The following REV1 variants were observed in gnomAD, a reference collection of about 807,000 sequenced individuals.
REV1 encodes the protein REV1 DNA directed polymerase, also known as translesion synthesis protein REV1.
In REV1, 42 loss-of-function variants were observed where a neutral mutation model predicts 137.4. That is an observed-to-expected ratio of 0.31 (90% CI 0.24 to 0.40). REV1 has a LOEUF of 0.40. Among genes scored for constraint, REV1 ranks in the 10% least tolerant of loss-of-function variants. The probability of loss-of-function intolerance (pLI) is 1.00; values close to 1 mark genes in which losing one functional copy is unlikely to be tolerated. For synonymous variants in REV1, 524 were observed against 519.2 expected (o/e 1.01, Z -0.12); for missense variants, 1,282 against 1,490.1 (o/e 0.86, Z 2.30).
intron 3 of REV1, chr2:99,451,543 G>T: frequency 8.1e-7 from 1 of 1,234,740 alleles, no homozygotes; most frequent in Non-Finnish European, 1.1e-6. Context: ...GAATAAGACC[G>T]ATCTGAGTTT....
intron 4 of REV1, 121 bp from the exon 5 acceptor site, chr2:99,442,590 G>GTTTA (rs1159512440): frequency 1.1e-6 from 1 of 913,308 alleles, no homozygotes; most frequent in Non-Finnish European, 1.7e-6. Context: ...TGTTTTCCTA[G>GTTTA]TTTATTCCTT....
At chr2:99,406,517 T>G (rs201134780) in intron 15 of REV1, 27 bp from the exon 16 acceptor site, 2 of 1,526,254 alleles carry the variant, frequency 1.3e-6, no homozygotes, top group Admixed American at 4.3e-5. Flanking sequence ...AGAGTATGCT[T>G]CTAGGAAAAC....
chr2:99,472,779 T>C (rs1259765108), intron 1 of REV1, among the ~76,000 whole-genome samples: 1 of 152,202 alleles, frequency 6.6e-6, no homozygotes. Context: ...ACTAAGTACA[T>C]AAAGTGCTAG....
At chr2:99,426,331 G>T (rs1679362009) in intron 9 of REV1, among the ~76,000 whole-genome samples, 1 of 147,924 alleles carries the variant, frequency 6.8e-6, no homozygotes, top group Non-Finnish European at 1.5e-5. Context: ...TGGGCAACAA[G>T]AGCGAAATTC....
chr2:99,416,826 T>C (rs1349055763), intron 12 of REV1, among the ~76,000 whole-genome samples: 1 of 139,526 alleles, frequency 7.2e-6, no homozygotes, highest in Non-Finnish European at 1.5e-5. Context: ...GGCAGGAGAA[T>C]GGCGTGAACC....
chr2:99,436,723 A>C (rs1308283988), intron 6 of REV1: 1 of 152,208 alleles, frequency 6.6e-6, no homozygotes, highest in African/African-American at 2.4e-5. Flanking sequence ...TCCAGGCACA[A>C]GCAGAGCTTT....
chr2:99,485,488 G>GA (rs1412952606), intron 1 of REV1, among the ~76,000 whole-genome samples: 2 of 152,092 alleles, frequency 1.3e-5, no homozygotes, highest in African/African-American at 2.4e-5. Context: ...AATACTACAA[G>GA]ACTCATATTT....
rs1681166445 is a variant in REV1 at position 99,439,267 on chromosome 2, C to T, written c.547G>A (p.Val183Ile). 1 of 1,613,740 alleles carries T rather than the reference C, an allele frequency of 6.2e-7. No individual in the cohort carries two copies. The highest frequency in any genetic ancestry group is 8.5e-7 in the Non-Finnish European group (1 of 1,179,744). Residue 183 changes from valine (V) to isoleucine (I), a missense_variant, in exon 6 of 23, where the codon GTC becomes ATC. Coordinates refer to ENST00000258428, the MANE Select transcript of REV1 (RefSeq NM_016316.4). ...KKIETENEVK[V>I]NGMNSWNEED... is the part of the protein sequence containing the mutation. ...TCATTCCAACTGTTCATGCCATTGA[C>T]TTTGACTTCATTTTCCGTTTCAATC...
intron 14 of REV1, 116 bp from the exon 15 acceptor site, chr2:99,408,247 G>T (rs1333076950): frequency 2.0e-6 from 1 of 504,982 alleles, no homozygotes; most frequent in Non-Finnish European, 3.4e-6. Context: ...TTACAAAGAA[G>T]ATTATAAAAG....
chr2:99,439,754 C>A (rs1463348321), intron 5 of REV1, among the ~76,000 whole-genome samples: 1 of 152,212 alleles, frequency 6.6e-6, no homozygotes, highest in Non-Finnish European at 1.5e-5. Flanking sequence ...GCATTTACTA[C>A]ATGGTCAATA....
chr2:99,456,464 A>G (rs1218244091), intron 3 of REV1, among the ~76,000 whole-genome samples: 3 of 152,198 alleles, frequency 2.0e-5, no homozygotes, highest in Admixed American at 2.0e-4. Context: ...AGATAGGTGA[A>G]GTCAGGGAAG....
chr2:99,462,378 T>A lies in REV1; in HGVS notation c.181+118A>T. 4.2e-6 allele frequency: 4 copies of A among 958,834 alleles called. No individual in the cohort carries two copies. In the South Asian group the frequency reaches 8.1e-5, roughly 19 times the overall value. 59.4% of individuals were successfully genotyped at this position (958,834 alleles called of 1,614,324 possible). On this transcript the variant is annotated intron_variant, in intron 3 of 22. Transcript: ENST00000258428. ...AGTATCTAAGCAGATGATTTATTTC[T>A]TCTCATCTTACAATCATTTGTCTAT... is the stretch of plus-strand genomic sequence containing the variant.
intron 4 of REV1, among the ~76,000 whole-genome samples, chr2:99,448,093 G>A (rs1459079318): frequency 6.6e-6 from 1 of 152,140 alleles, no homozygotes; most frequent in Admixed American, 6.5e-5. Context: ...CCCAGGCCCA[G>A]CCTTTTCCAC....
At chr2:99,424,577 A>C (rs1258536831) in intron 9 of REV1, 2 of 447,608 alleles carry the variant, frequency 4.5e-6, no homozygotes, top group Non-Finnish European at 7.6e-6. Context: ...CCCTTTGCAG[A>C]GATGCCAGCA....
At chr2:99,458,546 T>C (rs1683788279) in intron 3 of REV1, among the ~76,000 whole-genome samples, 2 of 152,218 alleles carry the variant, frequency 1.3e-5, no homozygotes, top group African/African-American at 2.4e-5. Flanking sequence ...AAACTAAAGA[T>C]GTAACTATTA....
At chr2:99,407,791 G>A (rs538176647) in intron 15 of REV1, among the ~76,000 whole-genome samples, 1 of 152,252 alleles carries the variant, frequency 6.6e-6, no homozygotes, top group East Asian at 1.9e-4. Context: ...TTAGCCCCTG[G>A]TTAATCAGGG....
chr2:99,414,074 G>A (rs1559301871), intron 12 of REV1, among the ~76,000 whole-genome samples: 1 of 152,166 alleles, frequency 6.6e-6, no homozygotes, highest in African/African-American at 2.4e-5. Context: ...AAGATCCCTT[G>A]AGCCCGAGAG....
intron 3 of REV1, chr2:99,451,415 A>G: frequency 7.7e-7 from 1 of 1,302,362 alleles, no homozygotes; most frequent in South Asian, 1.2e-5. Context: ...TTGCCCTTCT[A>G]CTGGATGAAG....
intron 12 of REV1, among the ~76,000 whole-genome samples, chr2:99,413,861 T>C (rs188394303): frequency 8.6e-4 from 131 of 152,328 alleles, no homozygotes; most frequent in South Asian, 8.3e-4. Flanking sequence ...GTTTCTGGTC[T>C]TCTGTAGGAA....
Sources: gnomAD v4.1 joint callset for allele counts (sites outside exome capture counted in the v4.1 genomes callset) on GRCh38, gnomAD v4.1.1 for gene constraint, MANE v1.5 for transcripts, NCBI Gene and HGNC (gene_info 2026-07-23, HGNC 2026-07-21) for gene names.